IREB2: variants seen among roughly 807,000 people sequenced by gnomAD.
IREB2 encodes iron-responsive element-binding protein 2.
A neutral mutation model predicts 118.8 loss-of-function variants in IREB2; 39 were observed. The ratio of observed to expected loss-of-function variants is 0.33; its 90% CI spans 0.25 to 0.43. The LOEUF is 0.43. Ranked by LOEUF, IREB2 falls within the 20% of genes least tolerant of loss-of-function variation. The pLI, the probability that IREB2 is intolerant of heterozygous loss-of-function variation, is 1.00. For synonymous variants in IREB2, 372 were observed against 392.2 expected (o/e 0.95, Z 0.61); for missense variants, 900 against 1,147.3 (o/e 0.78, Z 3.11).
Position 78,494,141 on chromosome 15 carries a change from G to A in IREB2, c.2473-1G>A. ...AATTTTGTGTTTGTTTTAATCTACA[G>A]CTAGATGTATTTGAGGCTGCAGAGC... On this transcript the variant is annotated splice_acceptor_variant, in intron 19 of 21. Transcript: ENST00000258886. LOFTEE classifies it high-confidence loss of function. 6.2e-7 allele frequency: 1 copy of A among 1,613,538 alleles called. No individual in the cohort carries two copies. The highest frequency in any genetic ancestry group is 8.5e-7 in the Non-Finnish European group (1 of 1,179,848).
chr15:78,480,393 C>G (rs1403079424), intron 10 of IREB2: 1 of 152,100 alleles, frequency 6.6e-6, no homozygotes, highest in Non-Finnish European at 1.5e-5. Flanking sequence ...CTGTTAAAAA[C>G]CCTTGGCCAG....
intron 18 of IREB2, among the ~76,000 whole-genome samples, chr15:78,491,117 G>A (rs1272389536): frequency 6.6e-6 from 1 of 152,124 alleles, no homozygotes; most frequent in East Asian, 1.9e-4. Flanking sequence ...GTTAAAACCA[G>A]CTTCCCATTA....
rs930406606 is a variant in IREB2 at position 78,495,181 on chromosome 15, C to T, written c.2595+917C>T. 1.4e-4 allele frequency among the ~76,000 whole-genome samples: 21 copies of T among 152,226 alleles called. 1 individual carries two copies. The South Asian group carries it at 3.1e-3, about 23-fold the overall frequency. Reference sequence around the variant, plus strand: ...GCTGAAACACAGATACCATGCAGGCCTCATTCTTATTTTAATCTTTAATAT... The same window carrying T: ...GCTGAAACACAGATACCATGCAGGCTTCATTCTTATTTTAATCTTTAATAT... On this transcript the variant is annotated intron_variant, in intron 20 of 21. Transcript: ENST00000258886.
intron 15 of IREB2, 23 bp downstream of exon 15, chr15:78,488,359 G>A (rs760614571): frequency 6.5e-7 from 1 of 1,537,892 alleles, no homozygotes; most frequent in South Asian, 1.2e-5. Context: ...TTATGTATAT[G>A]TATACCTACA....
chr15:78,463,123 TAG>T, intron 3 of IREB2, 36 bp downstream of exon 3: 1 of 1,512,816 alleles, frequency 6.6e-7, no homozygotes. Flanking sequence ...AATGAACTCT[TAG>T]AGTGTGTTTC....
intron 13 of IREB2, 86 bp downstream of exon 13, chr15:78,485,926 G>C (rs2051652718): frequency 8.8e-7 from 1 of 1,138,004 alleles, no homozygotes; most frequent in Admixed American, 2.4e-5. Flanking sequence ...TATACAAAGA[G>C]AAGATAGAAA....
rs2051910250 is a variant in IREB2, at chr15:78,499,919, C to T, written c.*1776C>T. On this transcript the variant is annotated 3_prime_UTR_variant, in exon 22 of 22. Coordinates refer to ENST00000258886, the MANE Select transcript of IREB2 (RefSeq NM_004136.4). ...CTGGGCTGGAGTGCAATGGCGCGAT[C>T]TTGGCTCACTGCAACCTCCGCCTCC... The T allele has an allele frequency of 2.0e-5, 3 of 152,686 alleles. No homozygotes were observed. The South Asian group carries it at 6.2e-4, about 32-fold the overall frequency. 9.5% of individuals were successfully genotyped at this position (152,686 alleles called of 1,614,324 possible).
chr15:78,438,283 TC>T lies in IREB2; in HGVS notation c.-50del. The T allele has an allele frequency of 7.2e-7, 1 of 1,381,330 alleles. No homozygotes were observed. Among genetic ancestry groups the T allele is most frequent in the Non-Finnish European group, 1.0e-6 (1 of 990,772 alleles). 85.6% of individuals were successfully genotyped at this position (1,381,330 alleles called of 1,614,324 possible). A position where few individuals can be genotyped will look rare whatever the true frequency, so the allele number is the denominator to read the frequency against. On this transcript the variant is annotated 5_prime_UTR_variant, in exon 1 of 22. Coordinates refer to ENST00000258886, the MANE Select transcript of IREB2 (RefSeq NM_004136.4). ...TCCTCCCCGTCTTCCCTGCCCGGCCTCCCCCTTCTTCCCCCGCTGGCCCCCT... is the reference window on the plus strand; with the variant it reads ...TCCTCCCCGTCTTCCCTGCCCGGCCTCCCCTTCTTCCCCCGCTGGCCCCCT...
intron 2 of IREB2, among the ~76,000 whole-genome samples, chr15:78,452,285 G>A (rs1330797683): frequency 1.3e-5 from 2 of 152,134 alleles, no homozygotes; most frequent in Non-Finnish European, 2.9e-5. Flanking sequence ...TAAGGGGAAG[G>A]GGCAGAGGGG....
chr15:78,483,396 G>C lies in IREB2; in HGVS notation c.1375G>C (p.Asp459His). The C allele has an allele frequency of 6.2e-7, 1 of 1,606,478 alleles. No individual in the cohort carries two copies. Among genetic ancestry groups the C allele is most frequent in the Non-Finnish European group, 8.5e-7 (1 of 1,173,146 alleles). ...KRPQDRVAVT[D>H]MKSDFQACLN... ...ACCTCAGGATAGAGTTGCTGTGACA[G>C]ATATGAAAAGCGATTTCCAGGCTTG... Residue 459 changes from aspartate to histidine, a missense_variant, in exon 11 of 22, where the codon GAT (aspartate) becomes CAT (histidine). Transcript: ENST00000258886.
chr15:78,455,607 G>A (rs544915622), intron 2 of IREB2, among the ~76,000 whole-genome samples: 2 of 151,328 alleles, frequency 1.3e-5, no homozygotes, highest in African/African-American at 4.8e-5. Context: ...CAGAGCATAT[G>A]TCCATTTTTC....
chr15:78,497,919 C>A, intron 21 of IREB2, 114 bp from the exon 22 acceptor site: 2 of 596,424 alleles, frequency 3.4e-6, no homozygotes, highest in South Asian at 2.3e-5. Context: ...CAAGATAAAT[C>A]AGACAGAATC....
rs1310355711 is a variant in IREB2, at chr15:78,438,279, G to A, written c.-59G>A. ...GTCTTCCTCCCCGTCTTCCCTGCCC[G>A]GCCTCCCCCTTCTTCCCCCGCTGGC... On this transcript the variant is annotated 5_prime_UTR_variant, in exon 1 of 22. Coordinates refer to ENST00000258886, the MANE Select transcript of IREB2 (RefSeq NM_004136.4). The A allele has an allele frequency of 6.0e-6, 8 of 1,343,148 alleles. No homozygotes were observed. The highest frequency in any genetic ancestry group is 7.3e-6 in the Non-Finnish European group (7 of 954,778). 83.2% of individuals were successfully genotyped at this position (1,343,148 alleles called of 1,614,324 possible). A position where few individuals can be genotyped will look rare whatever the true frequency, so the allele number is the denominator to read the frequency against.
At chr15:78,472,483 C>T (rs1415652714) in intron 7 of IREB2, among the ~76,000 whole-genome samples, 1 of 152,078 alleles carries the variant, frequency 6.6e-6, no homozygotes, top group Non-Finnish European at 1.5e-5. Flanking sequence ...TCTTGTGCCT[C>T]AACCTCCCAA....
chr15:78,473,632 A>G (rs547119248), intron 8 of IREB2: 49 of 400,924 alleles, frequency 1.2e-4, no homozygotes, highest in African/African-American at 8.6e-4. Flanking sequence ...TGAGATGGAT[A>G]CTATTACTAT....
chr15:78,475,145 G>C (rs938087863), intron 8 of IREB2: 2 of 151,528 alleles, frequency 1.3e-5, no homozygotes, highest in African/African-American at 4.9e-5. Flanking sequence ...TATAAAAAAG[G>C]GTTTGGATTA....
chr15:78,438,240 T>G lies in IREB2; in HGVS notation c.-98T>G. 1.1e-6 allele frequency: 1 copy of G among 937,790 alleles called. No individual in the cohort carries two copies. Among genetic ancestry groups the G allele is most frequent in the South Asian group, 1.4e-5 (1 of 71,702 alleles). The allele number at this position is 937,790 out of a possible 1,614,324, so 58.1% of individuals were successfully genotyped here. A position where few individuals can be genotyped will look rare whatever the true frequency, so the allele number is the denominator to read the frequency against. On this transcript the variant is annotated 5_prime_UTR_variant, in exon 1 of 22. Transcript: ENST00000258886. ...CGAGCCTGCTTCCTTCTTTCCTCCC[T>G]TGCCAGTCCGCCTGTCTTCCTCCCC...
chr15:78,482,596 A>G (rs903834129), intron 10 of IREB2, among the ~76,000 whole-genome samples: 2 of 152,186 alleles, frequency 1.3e-5, no homozygotes, highest in African/African-American at 4.8e-5. Flanking sequence ...AGAAATGTTT[A>G]CTAACCGTTT....
chr15:78,476,179 C>G lies in IREB2; in HGVS notation c.1024-9C>G. On this transcript the variant is annotated splice_polypyrimidine_tract_variant and intron_variant, in intron 8 of 21. Transcript: ENST00000258886. ...ATTTTGTATGTGTTTCTGTGTATTCCTTATATAGCACCTCAGGCAAGTAGG... is the reference window on the plus strand; with the variant it reads ...ATTTTGTATGTGTTTCTGTGTATTCGTTATATAGCACCTCAGGCAAGTAGG... 6.4e-7 allele frequency: 1 copy of G among 1,566,160 alleles called. No homozygotes were observed. The highest frequency in any genetic ancestry group is 1.2e-5 in the South Asian group (1 of 85,412).
Sources: allele counts gnomAD v4.1 joint callset (sites outside exome capture counted in the v4.1 genomes callset), GRCh38; gene constraint gnomAD v4.1.1; transcripts MANE v1.5; gene names NCBI Gene and HGNC (gene_info 2026-07-23, HGNC 2026-07-21).